Variants in CDH12 observed in about 807,000 individuals in gnomAD.
CDH12 encodes the protein cadherin-12.
Under a neutral mutation model 74.1 loss-of-function variants are expected in CDH12, and 41 were observed. That is an observed-to-expected ratio of 0.55 (90% CI 0.43 to 0.72). The LOEUF is 0.72. Ranked by LOEUF, CDH12 falls within the 30% of genes least tolerant of loss-of-function variation. The probability of loss-of-function intolerance (pLI) is 0.00; values close to 1 mark genes in which losing one functional copy is unlikely to be tolerated. For synonymous variants in CDH12, 399 were observed against 355.0 expected, an observed-to-expected ratio of 1.12 and a Z score of -1.39; for missense variants, 945 against 977.2, an observed-to-expected ratio of 0.97 and a Z score of 0.44.
intron 1 of CDH12, among the ~76,000 whole-genome samples, chr5:22,768,536 A>C (rs1346600666): frequency 6.6e-6 from 1 of 152,098 alleles, no homozygotes; most frequent in Non-Finnish European, 1.5e-5. Context: ...AGAGTAAGTA[A>C]AGTTTTGTTT....
intron 6 of CDH12, among the ~76,000 whole-genome samples, chr5:21,948,830 G>A (rs1032892605): frequency 9.9e-5 from 15 of 152,088 alleles, no homozygotes; most frequent in Admixed American, 2.6e-4. Context: ...TCATGTGGGC[G>A]GTTTCTGCCA....
intron 6 of CDH12, chr5:21,884,173 C>A: frequency 1.3e-6 from 2 of 1,583,978 alleles, no homozygotes; most frequent in East Asian, 4.5e-5. Context: ...GTGAGAACTG[C>A]TTTATTGGAT....
In CDH12 at chr5:22,570,035, TTTTATTTA is replaced by T. The variant is rs59201709; in HGVS notation, c.-522-64679_-522-64672del. On this transcript the variant is annotated intron_variant, in intron 1 of 14. Coordinates refer to ENST00000382254, the MANE Select transcript of CDH12 (RefSeq NM_004061.5). ...GTATAATCTTATGAAATGTATTTCG[TTTTATTTA>T]TTTATTTATTTATTTATTTATTTAT... Among the ~76,000 whole-genome samples, 1,004 of 149,986 alleles carry T rather than the reference TTTTATTTA, an allele frequency of 6.7e-3. 10 individuals carry two copies. The highest frequency in any genetic ancestry group is 0.022 in the African/African-American group (911 of 40,612).
chr5:22,280,136 A>G (rs1736812470), intron 3 of CDH12, among the ~76,000 whole-genome samples: 1 of 152,124 alleles, frequency 6.6e-6, no homozygotes, highest in Non-Finnish European at 1.5e-5. Flanking sequence ...AGTAATGATG[A>G]GCATTTTTTT....
intron 6 of CDH12, among the ~76,000 whole-genome samples, chr5:21,970,839 CAAAAAAAAAAAAAAAAAAA>C (rs1167373938): frequency 1.5e-3 from 43 of 27,800 alleles, no homozygotes; most frequent in Admixed American, 0.011. Context: ...GACTCTTTCT[CAAAAAAAAAAAAAAAAAAA>C]AAAAAAAAAA....
intron 1 of CDH12, among the ~76,000 whole-genome samples, chr5:22,675,515 TTGTCTCAGATGAGACTTTGGAC>T (rs1741118949): frequency 6.6e-6 from 1 of 152,162 alleles, no homozygotes; most frequent in South Asian, 2.1e-4. Context: ...GGGACTTGCC[TTGTCTCAGATGAGACTTTGGAC>T]TGTGGACTTT....
chr5:22,150,902 T>C (rs1405191098), intron 4 of CDH12, among the ~76,000 whole-genome samples: 1 of 152,214 alleles, frequency 6.6e-6, no homozygotes, highest in African/African-American at 2.4e-5. Flanking sequence ...GAAGGAATTT[T>C]AGACTCTCCG....
intron 3 of CDH12, among the ~76,000 whole-genome samples, chr5:22,387,573 T>C (rs1410152457): frequency 6.6e-6 from 1 of 152,136 alleles, no homozygotes; most frequent in South Asian, 2.1e-4. Context: ...ATACAGAATA[T>C]GTAGAATATA....
chr5:21,999,839 G>A (rs992023604), intron 5 of CDH12, among the ~76,000 whole-genome samples: 5 of 151,490 alleles, frequency 3.3e-5, no homozygotes, highest in African/African-American at 1.2e-4. Context: ...TCAACTGCCT[G>A]GGTTTGGTGC....
At chr5:22,800,396 T>C (rs1033868884) in intron 1 of CDH12, among the ~76,000 whole-genome samples, 4 of 152,160 alleles carry the variant, frequency 2.6e-5, no homozygotes, top group African/African-American at 9.7e-5. Context: ...TAATAGATAT[T>C]TTTTAGGGTA....
intron 11 of CDH12, among the ~76,000 whole-genome samples, chr5:21,779,041 G>GT (rs550851353): frequency 0.031 from 4,711 of 150,992 alleles, 170 homozygotes; most frequent in East Asian, 0.15. Flanking sequence ...GGAATTCACT[G>GT]TTTTTTTTTA....
intron 8 of CDH12, among the ~76,000 whole-genome samples, chr5:21,819,739 G>GT (rs1748261255): frequency 6.6e-6 from 1 of 151,956 alleles, no homozygotes; most frequent in African/African-American, 2.4e-5. Flanking sequence ...ACAGAGAGCC[G>GT]TCAAGTATAG....
At chr5:21,848,722 T>C (rs113965468) in intron 7 of CDH12, among the ~76,000 whole-genome samples, 106 of 152,068 alleles carry the variant, frequency 7.0e-4, no homozygotes, top group African/African-American at 2.6e-3. Flanking sequence ...TTCTTAACTG[T>C]ATCATGTCTT....
intron 11 of CDH12, among the ~76,000 whole-genome samples, chr5:21,773,380 T>C (rs1745426716): frequency 6.6e-6 from 1 of 152,002 alleles, no homozygotes; most frequent in Admixed American, 6.6e-5. Context: ...CAACTGCCAG[T>C]GGGGTTAGGA....
intron 3 of CDH12, among the ~76,000 whole-genome samples, chr5:22,299,076 G>A (rs114177176): frequency 6.6e-6 from 1 of 152,126 alleles, no homozygotes; most frequent in Non-Finnish European, 1.5e-5. Context: ...TAGAATGTGA[G>A]ATTTAAACAA....
chr5:22,671,665 T>C (rs965024496), intron 1 of CDH12, among the ~76,000 whole-genome samples: 4 of 151,982 alleles, frequency 2.6e-5, no homozygotes, highest in Non-Finnish European at 4.4e-5. Flanking sequence ...TAGGCCAAGA[T>C]TGGAAACAGT....
intron 11 of CDH12, among the ~76,000 whole-genome samples, chr5:21,773,655 T>C (rs996750722): frequency 6.6e-6 from 1 of 152,154 alleles, no homozygotes; most frequent in African/African-American, 2.4e-5. Flanking sequence ...TGGCCTGTTG[T>C]GGGACTTCAC....
At chr5:22,151,932 A>C (rs1369151744) in intron 4 of CDH12, 1 of 151,918 alleles carries the variant, frequency 6.6e-6, no homozygotes, top group Admixed American at 6.6e-5. Context: ...TAAAGAGACC[A>C]CCTTCACTTG....
intron 1 of CDH12, among the ~76,000 whole-genome samples, chr5:22,736,191 C>T (rs1744710140): frequency 1.3e-5 from 2 of 151,712 alleles, no homozygotes; most frequent in African/African-American, 2.4e-5. Context: ...TTCCTCCATC[C>T]TAACTCACAT....
Sources: allele counts gnomAD v4.1 joint callset (sites outside exome capture counted in the v4.1 genomes callset), GRCh38; gene constraint gnomAD v4.1.1; transcripts MANE v1.5; gene names NCBI Gene and HGNC (gene_info 2026-07-23, HGNC 2026-07-21).